ULK4: variants seen among roughly 807,000 people sequenced by gnomAD.
The protein encoded by ULK4 is unc-51 like kinase 4.
ULK4 carries 133 observed loss-of-function variants against 160.6 expected under a neutral mutation model. The ratio of observed to expected loss-of-function variants is 0.83; its 90% CI spans 0.72 to 0.96. The LOEUF (loss-of-function observed/expected upper bound fraction) is 0.96. Ranked by LOEUF, ULK4 falls within the 40% of genes least tolerant of loss-of-function variation. ULK4 has a pLI of 0.00. For missense variants in ULK4, 1,580 were observed against 1,499.5 expected (o/e 1.05, Z -0.89); for synonymous variants, 534 against 539.8 (o/e 0.99, Z 0.15).
At chr3:41,707,927 C>T (rs761045376) in intron 25 of ULK4, among the ~76,000 whole-genome samples, 4 of 151,702 alleles carry the variant, frequency 2.6e-5, no homozygotes, top group Non-Finnish European at 5.9e-5. Flanking sequence ...CTCAACATCA[C>T]TAACCAGGGA....
intron 25 of ULK4, among the ~76,000 whole-genome samples, chr3:41,711,122 A>G (rs1432984699): frequency 1.3e-5 from 2 of 152,200 alleles, no homozygotes; most frequent in East Asian, 3.9e-4. Context: ...AGGATCCTTC[A>G]GAGGGATATC....
Position 41,935,521 on chromosome 3 carries a change from G to A in ULK4, c.378+280C>T, listed in dbSNP as rs998362535. On this transcript the variant is annotated intron_variant, in intron 4 of 36. Transcript: ENST00000301831. ...TGGGATTATAGGCGTGAGCCACCGC[G>A]CCTAGCCTTTTATGTTTTTAGTAAA... Among the ~76,000 whole-genome samples, 10 of 151,824 alleles carry A rather than the reference G, an allele frequency of 6.6e-5. No individual in the cohort carries two copies. The South Asian group carries it at 1.2e-3, about 19-fold the overall frequency.
intron 32 of ULK4, among the ~76,000 whole-genome samples, chr3:41,526,337 G>A (rs77879977): frequency 0.024 from 3,701 of 152,250 alleles, 137 homozygotes; most frequent in African/African-American, 0.08. Context: ...GACAGAGCCA[G>A]AGGTATGCAT....
At chr3:41,888,900 C>T (rs1053097300) in intron 16 of ULK4, among the ~76,000 whole-genome samples, 2 of 152,170 alleles carry the variant, frequency 1.3e-5, no homozygotes, top group African/African-American at 4.8e-5. Flanking sequence ...AGTCAGCAGG[C>T]CCCACCTACC....
intron 33 of ULK4, among the ~76,000 whole-genome samples, chr3:41,456,305 A>T (rs1239272914): frequency 6.6e-6 from 1 of 152,178 alleles, no homozygotes; most frequent in African/African-American, 2.4e-5. Context: ...ACAGTTAAGG[A>T]GTGACAAAGC....
chr3:41,525,750 T>C (rs1327363029), intron 32 of ULK4, among the ~76,000 whole-genome samples: 3 of 152,268 alleles, frequency 2.0e-5, no homozygotes, highest in Non-Finnish European at 4.4e-5. Context: ...CATTTATTTA[T>C]GGAACATTGC....
chr3:41,555,858 G>A (rs2087274416), intron 32 of ULK4, among the ~76,000 whole-genome samples: 1 of 152,110 alleles, frequency 6.6e-6, no homozygotes, highest in Admixed American at 6.6e-5. Context: ...ACCAAAACAA[G>A]ATCATTTCCT....
chr3:41,806,487 A>G (rs143787364), intron 19 of ULK4, among the ~76,000 whole-genome samples: 18,836 of 151,898 alleles, frequency 0.12, 1,346 homozygotes, highest in Middle Eastern at 0.27. Flanking sequence ...TATTTCCTTC[A>G]GTTCTGCTCT....
chr3:41,841,930 T>C (rs889653819), intron 17 of ULK4, among the ~76,000 whole-genome samples: 3 of 152,082 alleles, frequency 2.0e-5, no homozygotes, highest in East Asian at 1.9e-4. Flanking sequence ...AAACAGATGC[T>C]TGAAGGCAGC....
chr3:41,769,383 C>T (rs2039276098), intron 21 of ULK4, among the ~76,000 whole-genome samples: 1 of 152,128 alleles, frequency 6.6e-6, no homozygotes, highest in South Asian at 2.1e-4. Context: ...AGACTTAGTG[C>T]CAAAGATGAA....
intron 27 of ULK4, among the ~76,000 whole-genome samples, chr3:41,683,648 C>T (rs539617763): frequency 5.3e-5 from 8 of 151,716 alleles, no homozygotes; most frequent in Middle Eastern, 3.4e-3. Context: ...TCCCTTCCTT[C>T]GCTTTTCATT....
intron 35 of ULK4, among the ~76,000 whole-genome samples, chr3:41,395,516 C>T (rs975534261): frequency 4.6e-5 from 7 of 152,064 alleles, no homozygotes; most frequent in Non-Finnish European, 1.0e-4. Context: ...TGAAACAAGC[C>T]AGACATAAAA....
At chr3:41,791,516 T>C (rs946092563) in intron 20 of ULK4, among the ~76,000 whole-genome samples, 1 of 152,146 alleles carries the variant, frequency 6.6e-6, no homozygotes, top group Non-Finnish European at 1.5e-5. Flanking sequence ...AATCTAGGAC[T>C]TTTTCCAGAT....
At chr3:41,575,389 T>C (rs2088153264) in intron 31 of ULK4, among the ~76,000 whole-genome samples, 1 of 152,004 alleles carries the variant, frequency 6.6e-6, no homozygotes, top group Admixed American at 6.5e-5. Flanking sequence ...CTTCTAGGGG[T>C]TGAGCAGGCT....
intron 25 of ULK4, among the ~76,000 whole-genome samples, chr3:41,709,325 G>A (rs2037010760): frequency 6.6e-6 from 1 of 152,118 alleles, no homozygotes; most frequent in East Asian, 1.9e-4. Context: ...GAAAACAGAG[G>A]ACATCTTCAA....
At chr3:41,644,996 A>T (rs1171256247) in intron 30 of ULK4, among the ~76,000 whole-genome samples, 2 of 151,414 alleles carry the variant, frequency 1.3e-5, no homozygotes, top group African/African-American at 4.8e-5. Context: ...TGTTTGTAGT[A>T]TTCTCTGATG....
chr3:41,647,696 A>C (rs1295448934), intron 30 of ULK4, among the ~76,000 whole-genome samples: 1 of 152,238 alleles, frequency 6.6e-6, no homozygotes, highest in South Asian at 2.1e-4. Flanking sequence ...CTCCAGCTGC[A>C]TGCTGGAAGA....
At chr3:41,900,251 T>C (rs1698304748) in intron 13 of ULK4, among the ~76,000 whole-genome samples, 1 of 152,248 alleles carries the variant, frequency 6.6e-6, no homozygotes, top group East Asian at 1.9e-4. Context: ...CCTGCAGTCT[T>C]AACAACCTGT....
At position 41,459,650 on chromosome 3, in the gene ULK4, ATGTCACAAT is replaced by A. The variant is rs1372237060; in HGVS notation, c.3393+3428_3393+3436del. Reference sequence around the variant, plus strand: ...TTAGGTTAAGGAGGGAAGTAGGATAATGTCACAATTGACTTCATCACTTGGATGGTGGGG... The same window carrying A: ...TTAGGTTAAGGAGGGAAGTAGGATAATGACTTCATCACTTGGATGGTGGGG... On this transcript the variant is annotated intron_variant, in intron 33 of 36. Coordinates refer to ENST00000301831, the MANE Select transcript of ULK4 (RefSeq NM_017886.4). 2.6e-5 allele frequency among the ~76,000 whole-genome samples: 4 copies of A among 152,330 alleles called. No homozygotes were observed. The East Asian group carries it at 7.7e-4, about 29-fold the overall frequency.
Sources: allele counts gnomAD v4.1 joint callset (sites outside exome capture counted in the v4.1 genomes callset), GRCh38; gene constraint gnomAD v4.1.1; transcripts MANE v1.5; gene names NCBI Gene and HGNC (gene_info 2026-07-23, HGNC 2026-07-21).